The following KCNH7 variants were observed in gnomAD, a reference collection of about 807,000 sequenced individuals.
The protein encoded by KCNH7 is potassium voltage-gated channel subfamily H member 7, also known as voltage-gated inwardly rectifying potassium channel KCNH7.
KCNH7 carries 49 observed loss-of-function variants against 120.8 expected under a neutral mutation model. That is an observed-to-expected ratio of 0.41 (90% CI 0.32 to 0.51). KCNH7 has a LOEUF of 0.51. Among genes scored for constraint, KCNH7 ranks in the 20% least tolerant of loss-of-function variants. KCNH7 has a pLI of 0.38. For missense variants in KCNH7, 1,097 were observed against 1,446.6 expected (o/e 0.76, Z 3.92); for synonymous variants, 547 against 516.1 (o/e 1.06, Z -0.81).
chr2:162,838,617 T>C lies in KCNH7; in HGVS notation c.-99A>G. 1 of 882,928 alleles carries C rather than the reference T, an allele frequency of 1.1e-6. No homozygotes were observed. The allele number at this position is 882,928 out of a possible 1,614,324, so 54.7% of individuals were successfully genotyped here. A position where few individuals can be genotyped will look rare whatever the true frequency, so the allele number is the denominator to read the frequency against. ...CCAGGCCAGCGCGCGAGCCGCTCTT[T>C]GTGGCAGAGCATCCTCTTTTGAAAC... is the stretch of plus-strand genomic sequence containing the variant. On this transcript the variant is annotated 5_prime_UTR_variant, in exon 1 of 16. Transcript: ENST00000332142.
chr2:162,380,976 T>A (rs1686398331), intron 13 of KCNH7, among the ~76,000 whole-genome samples: 1 of 152,144 alleles, frequency 6.6e-6, no homozygotes, highest in African/African-American at 2.4e-5. Flanking sequence ...CCTTTCCCCC[T>A]CATTTTTGTC....
In KCNH7 at chr2:162,384,765, G is replaced by A; in HGVS notation, c.2885C>T (p.Ala962Val). 7 of 1,612,714 alleles carry A rather than the reference G, an allele frequency of 4.3e-6. No individual in the cohort carries two copies. Among genetic ancestry groups the A allele is most frequent in the Non-Finnish European group, 5.9e-6 (7 of 1,179,018 alleles). ...TGTTTCTTCAAAATCGAGCCCAGAT[G>A]CTTTCCCTATTCCTGGAGAAGAGTC... ...IVDSSPGIGKASGLDFEETVP... is the reference protein window; with the variant it reads ...IVDSSPGIGKVSGLDFEETVP... The change falls in exon 13 of 16, where the codon GCA becomes GTA. Residue 962 changes from alanine to valine, a missense_variant. Around this residue, in one of 8 missense-constraint regions of KCNH7, gnomAD observed 406 missense variants for 410.5 expected, o/e 0.99. Transcript: ENST00000332142.
chr2:162,414,736 T>C (rs1203475320), intron 9 of KCNH7, among the ~76,000 whole-genome samples: 3 of 151,998 alleles, frequency 2.0e-5, no homozygotes, highest in African/African-American at 4.8e-5. Context: ...AGTATAAAAA[T>C]TGAAGTATAA....
At position 162,800,309 on chromosome 2, in the gene KCNH7, A is replaced by T. The variant is rs764637508; in HGVS notation, c.307+36228T>A. ...AATAGAGACGGGAAATATTTATGTTAAAAAAGAAAGCTTTTCTTTTTCATA... is the reference window on the plus strand; with the variant it reads ...AATAGAGACGGGAAATATTTATGTTTAAAAAGAAAGCTTTTCTTTTTCATA... On this transcript the variant is annotated intron_variant, in intron 2 of 15. Transcript: ENST00000332142. Among the ~76,000 whole-genome samples, 214 of 151,992 alleles carry T rather than the reference A, an allele frequency of 1.4e-3. 2 individuals are homozygous for T. The highest frequency in any genetic ancestry group is 2.8e-3 in the Non-Finnish European group (190 of 67,842).
At chr2:162,410,589 T>C (rs973787160) in intron 9 of KCNH7, among the ~76,000 whole-genome samples, 2 of 151,898 alleles carry the variant, frequency 1.3e-5, no homozygotes, top group African/African-American at 4.8e-5. Flanking sequence ...AAAACCACAA[T>C]TGAGAAGTGG....
intron 2 of KCNH7, among the ~76,000 whole-genome samples, chr2:162,540,759 T>C (rs1440649134): frequency 6.6e-6 from 1 of 152,096 alleles, no homozygotes; most frequent in Admixed American, 6.6e-5. Context: ...GAGAGTTTTA[T>C]CCAGGGGTTA....
At chr2:162,607,489 T>C (rs1682821895) in intron 2 of KCNH7, among the ~76,000 whole-genome samples, 1 of 152,118 alleles carries the variant, frequency 6.6e-6, no homozygotes, top group East Asian at 1.9e-4. Context: ...CATATCTTTA[T>C]TTGCCAATGG....
At chr2:162,586,415 C>G (rs886365162) in intron 2 of KCNH7, among the ~76,000 whole-genome samples, 1 of 152,012 alleles carries the variant, frequency 6.6e-6, no homozygotes, top group Non-Finnish European at 1.5e-5. Flanking sequence ...CCCAGCCATC[C>G]CAGGTGAGCC....
At chr2:162,501,928 G>A (rs983776001) in intron 6 of KCNH7, 1 of 151,924 alleles carries the variant, frequency 6.6e-6, no homozygotes, top group African/African-American at 2.4e-5. Flanking sequence ...AGCTAAATTT[G>A]AAAGTCACAG....
At chr2:162,777,777 G>GACTCTGACTATGCCATAAGAAAGAGAAT in intron 2 of KCNH7, among the ~76,000 whole-genome samples, 1 of 152,216 alleles carries the variant, frequency 6.6e-6, no homozygotes, top group East Asian at 1.9e-4. Context: ...TAAAATACAT[G>GACTCTGACTATGCCATAAGAAAGAGAAT]ACTCTGACTA....
intron 9 of KCNH7, among the ~76,000 whole-genome samples, chr2:162,406,943 C>A (rs572641232): frequency 3.9e-5 from 6 of 152,010 alleles, no homozygotes; most frequent in African/African-American, 1.2e-4. Flanking sequence ...CCATTGTAAC[C>A]ACTGATCATG....
intron 2 of KCNH7, among the ~76,000 whole-genome samples, chr2:162,607,260 C>T (rs142043137): frequency 1.6e-4 from 24 of 150,646 alleles, no homozygotes; most frequent in East Asian, 9.8e-4. Flanking sequence ...CATGGTGCTG[C>T]GCACCTGTAG....
intron 2 of KCNH7, among the ~76,000 whole-genome samples, chr2:162,670,243 C>T (rs1238950643): frequency 6.6e-6 from 1 of 151,862 alleles, no homozygotes; most frequent in Admixed American, 6.6e-5. Flanking sequence ...GAGACCGAGG[C>T]AGGCAGATCA....
chr2:162,575,431 A>G (rs1015488258), intron 2 of KCNH7, among the ~76,000 whole-genome samples: 9 of 151,924 alleles, frequency 5.9e-5, no homozygotes, highest in African/African-American at 1.7e-4. Flanking sequence ...TTACCTGTAT[A>G]CAGATTTGCA....
intron 2 of KCNH7, among the ~76,000 whole-genome samples, chr2:162,656,861 C>T (rs539438481): frequency 6.6e-6 from 1 of 152,272 alleles, no homozygotes; most frequent in South Asian, 2.1e-4. Flanking sequence ...CAAGCTCAAG[C>T]ATTGCAAATT....
Position 162,394,299 on chromosome 2 carries a change from C to T in KCNH7, c.2710+90G>A, listed in dbSNP as rs76329021. On this transcript the variant is annotated intron_variant, in intron 12 of 15. Transcript: ENST00000332142. Reference sequence around the variant, plus strand: ...CCTCCTAAAGCCTGAGTAAAATATACTCTTGAAGTCAGAAGTAAAATGAAC... The same window carrying T: ...CCTCCTAAAGCCTGAGTAAAATATATTCTTGAAGTCAGAAGTAAAATGAAC... 6,773 of 789,036 alleles carry T rather than the reference C, an allele frequency of 8.6e-3. 49 individuals are homozygous for T. The highest frequency in any genetic ancestry group is 0.011 in the Non-Finnish European group (5,069 of 448,478). 48.9% of individuals were successfully genotyped at this position (789,036 alleles called of 1,614,324 possible).
chr2:162,423,158 T>A, intron 9 of KCNH7, 178 bp downstream of exon 9: 2 of 1,322,184 alleles, frequency 1.5e-6, no homozygotes, highest in Non-Finnish European at 1.0e-6. Flanking sequence ...TAACTAGATA[T>A]AGCACCATGC....
Position 162,632,254 on chromosome 2 carries a change from T to C in KCNH7, c.308-95174A>G, listed in dbSNP as rs938517121. ...AAAATTTAATGGAAAAATAGTATCATTGGTAATAGCAACAACAACACAGCA... is the reference window on the plus strand; with the variant it reads ...AAAATTTAATGGAAAAATAGTATCACTGGTAATAGCAACAACAACACAGCA... On this transcript the variant is annotated intron_variant, in intron 2 of 15. Transcript: ENST00000332142. Among the ~76,000 whole-genome samples the C allele has an allele frequency of 2.6e-5, 4 of 151,958 alleles. No homozygotes were observed. In the East Asian group the frequency reaches 7.7e-4, roughly 29 times the overall value.
chr2:162,488,612 A>G lies in KCNH7; in HGVS notation c.1128+15831T>C, dbSNP rs113133347. Among the ~76,000 whole-genome samples the G allele has an allele frequency of 3.5e-3, 535 of 152,304 alleles. 4 individuals carry two copies. Among genetic ancestry groups the G allele is most frequent in the African/African-American group, 0.012 (514 of 41,564 alleles). Reference sequence around the variant, plus strand: ...ACAAAACTTTCTATACATCTCTGGAATGCCATGCTGAAACTCATTTTACAA... The same window carrying G: ...ACAAAACTTTCTATACATCTCTGGAGTGCCATGCTGAAACTCATTTTACAA... On this transcript the variant is annotated intron_variant, in intron 6 of 15. Coordinates refer to ENST00000332142, the MANE Select transcript of KCNH7 (RefSeq NM_033272.4).
Sources: gnomAD v4.1 joint callset for allele counts (sites outside exome capture counted in the v4.1 genomes callset) on GRCh38, gnomAD v4.1.1 for gene constraint, gnomAD v4.1.1 regional missense constraint, MANE v1.5 for transcripts, NCBI Gene and HGNC (gene_info 2026-07-23, HGNC 2026-07-21) for gene names.